The following TIMP2 variants were observed in gnomAD, a reference collection of about 807,000 sequenced individuals.
TIMP2 encodes the protein TIMP metallopeptidase inhibitor 2, also known as metalloproteinase inhibitor 2.
Under a neutral mutation model 24.3 loss-of-function variants are expected in TIMP2, and 5 were observed. That is an observed-to-expected ratio of 0.21 (90% CI 0.11 to 0.43). The LOEUF is 0.43. TIMP2 is among the 20% of genes least tolerant of loss of function. The probability of loss-of-function intolerance (pLI) is 1.00; values close to 1 mark genes in which losing one functional copy is unlikely to be tolerated. For missense variants in TIMP2, 221 were observed against 297.5 expected (o/e 0.74, Z 1.89); for synonymous variants, 130 against 123.2 (o/e 1.06, Z -0.37).
intron 3 of TIMP2, among the ~76,000 whole-genome samples, chr17:78,866,015 G>A (rs1160543884): frequency 1.3e-5 from 2 of 149,678 alleles, no homozygotes; most frequent in Non-Finnish European, 3.0e-5. Flanking sequence ...GAACAAACAG[G>A]ATGCAGAAAA....
intron 2 of TIMP2, among the ~76,000 whole-genome samples, chr17:78,872,653 C>T (rs1322414006): frequency 1.3e-5 from 2 of 152,154 alleles, no homozygotes; most frequent in African/African-American, 2.4e-5. Context: ...ATTTCCTGGG[C>T]ACTGGCACTG....
At chr17:78,874,765 G>C (rs1469557199) in intron 1 of TIMP2, among the ~76,000 whole-genome samples, 1 of 147,132 alleles carries the variant, frequency 6.8e-6, no homozygotes, top group Non-Finnish European at 1.5e-5. Context: ...TTTTCAGACG[G>C]AGTCTCACTC....
At chr17:78,866,994 C>T (rs1433545921) in intron 3 of TIMP2, among the ~76,000 whole-genome samples, 1 of 152,200 alleles carries the variant, frequency 6.6e-6, no homozygotes, top group Non-Finnish European at 1.5e-5. Flanking sequence ...GGCGCGGTGG[C>T]TCACGCCTGT....
chr17:78,882,175 T>C (rs2069785926), intron 1 of TIMP2, among the ~76,000 whole-genome samples: 1 of 152,236 alleles, frequency 6.6e-6, no homozygotes, highest in Non-Finnish European at 1.5e-5. Flanking sequence ...TTTCACCATG[T>C]TGGCCAGGCT....
chr17:78,873,792 G>GC (rs2069705752), intron 2 of TIMP2, 27 bp downstream of exon 2: 2 of 1,594,066 alleles, frequency 1.3e-6, no homozygotes, highest in East Asian at 4.5e-5. Context: ...CCACAGTGCA[G>GC]CCCGGGATGC....
At chr17:78,871,906 C>T (rs1053416288) in intron 2 of TIMP2, among the ~76,000 whole-genome samples, 4 of 151,856 alleles carry the variant, frequency 2.6e-5, no homozygotes, top group African/African-American at 9.7e-5. Context: ...TCTGTTCCCT[C>T]ACCCCCCACC....
At position 78,920,644 on chromosome 17, in the gene TIMP2, G is replaced by T. The variant is rs2070302133; in HGVS notation, c.130+4315C>A. Reference sequence around the variant, plus strand: ...AGCTCCCTCCTCAACCTACCATGGGGCCTTCTATCCTCACATCTTGCAAAT... The same window carrying T: ...AGCTCCCTCCTCAACCTACCATGGGTCCTTCTATCCTCACATCTTGCAAAT... On this transcript the variant is annotated intron_variant, in intron 1 of 4. Transcript: ENST00000262768. This position sits in a 1 kb window ranked among gnomAD's most constrained non-coding sequence, Gnocchi z 4.5. Among the ~76,000 whole-genome samples, 1 of 152,210 alleles carries T rather than the reference G, an allele frequency of 6.6e-6. No homozygotes were observed. The highest frequency in any genetic ancestry group is 2.4e-5 in the African/African-American group (1 of 41,456).
At chr17:78,901,869 T>A (rs1568004667) in intron 1 of TIMP2, 1 of 680,868 alleles carries the variant, frequency 1.5e-6, no homozygotes, top group Admixed American at 2.3e-5. Flanking sequence ...GGAAGCACTG[T>A]CTCCAGGGCT....
At chr17:78,868,955 C>T (rs1332031092) in intron 3 of TIMP2, among the ~76,000 whole-genome samples, 1 of 152,146 alleles carries the variant, frequency 6.6e-6, no homozygotes, top group Non-Finnish European at 1.5e-5. Flanking sequence ...GCCAGGGATG[C>T]AGCTGAATAT....
intron 1 of TIMP2, among the ~76,000 whole-genome samples, chr17:78,889,094 C>T (rs145847144): frequency 1.3e-5 from 2 of 152,356 alleles, no homozygotes; most frequent in East Asian, 3.9e-4. Flanking sequence ...ATTTACATCT[C>T]ATCTGTGGCT....
chr17:78,906,762 T>G (rs959165927), intron 1 of TIMP2, among the ~76,000 whole-genome samples: 1 of 151,876 alleles, frequency 6.6e-6, no homozygotes, highest in African/African-American at 2.4e-5. Flanking sequence ...TTTGTATTTT[T>G]GGTAGAGACG....
rs1416519524 is a variant in TIMP2, at chr17:78,896,108, G to A, written c.131-22189C>T. Among the ~76,000 whole-genome samples the A allele has an allele frequency of 3.9e-5, 6 of 152,154 alleles. No homozygotes were observed. The highest frequency in any genetic ancestry group is 8.8e-5 in the Non-Finnish European group (6 of 68,026). ...AATTGCAGCCAGCTCCATCCTTCAGGAATCGATCCCCGCTCTGACACCATC... is the reference window on the plus strand; with the variant it reads ...AATTGCAGCCAGCTCCATCCTTCAGAAATCGATCCCCGCTCTGACACCATC... On this transcript the variant is annotated intron_variant, in intron 1 of 4. Transcript: ENST00000262768. This position sits in a 1 kb window ranked among gnomAD's most constrained non-coding sequence, Gnocchi z 4.4.
At chr17:78,856,255 G>A (rs868568135) in intron 4 of TIMP2, 5 of 216,672 alleles carry the variant, frequency 2.3e-5, no homozygotes, top group South Asian at 9.3e-5. Flanking sequence ...CGAGGTCATC[G>A]GCAACTAGCA....
At chr17:78,895,737 C>T (rs937462587) in intron 1 of TIMP2, among the ~76,000 whole-genome samples, 11 of 152,186 alleles carry the variant, frequency 7.2e-5, no homozygotes, top group African/African-American at 2.4e-4. Context: ...ACACCAAAGA[C>T]CACCAGGAAC....
chr17:78,856,083 CT>C, intron 4 of TIMP2: 2 of 585,794 alleles, frequency 3.4e-6, no homozygotes, highest in South Asian at 3.9e-5. Context: ...GCTGCCCCCC[CT>C]CCTACTGCAG....
At chr17:78,907,681 G>A (rs58269446) in intron 1 of TIMP2, among the ~76,000 whole-genome samples, 2,393 of 152,316 alleles carry the variant, frequency 0.016, 70 homozygotes, top group African/African-American at 0.055. Context: ...TAGACTCAGA[G>A]TTGAGCCAGC....
intron 3 of TIMP2, among the ~76,000 whole-genome samples, chr17:78,867,299 G>C (rs893429358): frequency 1.3e-5 from 2 of 152,138 alleles, no homozygotes; most frequent in African/African-American, 4.8e-5. Flanking sequence ...ATTTTAGGAA[G>C]TCCAGAAATG....
intron 1 of TIMP2, among the ~76,000 whole-genome samples, chr17:78,893,504 G>A (rs1301490379): frequency 1.3e-5 from 2 of 149,576 alleles, no homozygotes; most frequent in Non-Finnish European, 2.9e-5. Flanking sequence ...TGTGCGCGCA[G>A]GGGTGTGTGC....
At chr17:78,918,740 T>C (rs1760114499) in intron 1 of TIMP2, among the ~76,000 whole-genome samples, 1 of 152,178 alleles carries the variant, frequency 6.6e-6, no homozygotes, top group African/African-American at 2.4e-5. Flanking sequence ...GGCTCACATC[T>C]GTAATCCCAG....
Sources: gnomAD v4.1 joint callset for allele counts (sites outside exome capture counted in the v4.1 genomes callset) on GRCh38, gnomAD v4.1.1 for gene constraint, Gnocchi (gnomAD v3.1) non-coding constraint, MANE v1.5 for transcripts, NCBI Gene and HGNC (gene_info 2026-07-23, HGNC 2026-07-21) for gene names.